The following FGF14 variants were observed in gnomAD, a reference collection of about 807,000 sequenced individuals.
The protein encoded by FGF14 is fibroblast growth factor 14, also known as fibroblast growth factor homologous factor 4.
A neutral mutation model predicts 25.5 loss-of-function variants in FGF14; 5 were observed. The observed-to-expected ratio is 0.20, with a 90% CI of 0.10 to 0.41. The LOEUF (loss-of-function observed/expected upper bound fraction) is 0.41. Ranked by LOEUF, FGF14 falls within the 10% of genes least tolerant of loss-of-function variation. The pLI is 1.00. For synonymous variants in FGF14, 138 were observed against 118.3 expected, an observed-to-expected ratio of 1.17 and a Z score of -1.08; for missense variants, 222 against 320.1, an observed-to-expected ratio of 0.69 and a Z score of 2.34.
intron 1 of FGF14, among the ~76,000 whole-genome samples, chr13:101,962,679 G>C (rs2036937963): frequency 6.6e-6 from 1 of 150,626 alleles, no homozygotes; most frequent in Non-Finnish European, 1.5e-5. Flanking sequence ...AATAGCTTCA[G>C]TTAAATTTTT....
At chr13:102,093,725 G>C (rs1055071208) in intron 1 of FGF14, among the ~76,000 whole-genome samples, 20 of 151,362 alleles carry the variant, frequency 1.3e-4, no homozygotes, top group African/African-American at 4.9e-4. Context: ...ACAAGAAACA[G>C]TTAAATTGCT....
chr13:102,275,973 C>T (rs953027309), intron 1 of FGF14, among the ~76,000 whole-genome samples: 3 of 151,946 alleles, frequency 2.0e-5, no homozygotes, highest in African/African-American at 7.2e-5. Context: ...AACAAGCTTC[C>T]TTCATACCTA....
chr13:101,740,991 C>T (rs112613188), intron 3 of FGF14, among the ~76,000 whole-genome samples: 154 of 152,210 alleles, frequency 1.0e-3, no homozygotes, highest in African/African-American at 3.4e-3. Context: ...AAAAAAGTCC[C>T]CGGTCAGTAA....
intron 1 of FGF14, among the ~76,000 whole-genome samples, chr13:102,309,530 G>A (rs746035292): frequency 2.0e-5 from 3 of 152,176 alleles, no homozygotes; most frequent in Non-Finnish European, 2.9e-5. Context: ...TGAGAAAGTT[G>A]CATTTTACTG....
intron 1 of FGF14, among the ~76,000 whole-genome samples, chr13:102,170,153 G>C (rs2048187337): frequency 6.6e-6 from 1 of 151,910 alleles, no homozygotes; most frequent in Non-Finnish European, 1.5e-5. Context: ...TCCAGCGTGG[G>C]GCATACAGGA....
chr13:101,823,158 C>T (rs1003222695), intron 3 of FGF14, among the ~76,000 whole-genome samples: 3 of 152,038 alleles, frequency 2.0e-5, no homozygotes, highest in Non-Finnish European at 4.4e-5. Context: ...AGTAAAGCTG[C>T]TATAAACGTT....
intron 1 of FGF14, among the ~76,000 whole-genome samples, chr13:102,328,821 C>T (rs1408120510): frequency 6.6e-6 from 1 of 152,054 alleles, no homozygotes; most frequent in Non-Finnish European, 1.5e-5. Flanking sequence ...AAGAGTATTC[C>T]AGATATTCTG....
chr13:101,763,682 A>T (rs1159787906), intron 3 of FGF14, among the ~76,000 whole-genome samples: 2 of 152,186 alleles, frequency 1.3e-5, no homozygotes, highest in Non-Finnish European at 2.9e-5. Flanking sequence ...CAACATGGTG[A>T]AACCCCATCT....
At chr13:102,200,969 G>A (rs1050798105) in intron 1 of FGF14, among the ~76,000 whole-genome samples, 9 of 151,910 alleles carry the variant, frequency 5.9e-5, no homozygotes, top group Non-Finnish European at 1.2e-4. Flanking sequence ...AGGCGTGGTG[G>A]GGGGCGCCTG....
At chr13:102,017,895 G>A (rs982212358) in intron 1 of FGF14, among the ~76,000 whole-genome samples, 16 of 151,886 alleles carry the variant, frequency 1.1e-4, no homozygotes, top group African/African-American at 3.1e-4. Context: ...TGTCCATTCC[G>A]CTACTCAGAT....
chr13:101,910,130 T>C (rs2032752980), intron 1 of FGF14, among the ~76,000 whole-genome samples: 1 of 151,934 alleles, frequency 6.6e-6, no homozygotes, highest in South Asian at 2.1e-4. Context: ...CATTAGGAGA[T>C]ATACCTAATG....
chr13:101,735,464 TAAG>T (rs2036117243), intron 3 of FGF14, among the ~76,000 whole-genome samples: 1 of 151,978 alleles, frequency 6.6e-6, no homozygotes, highest in African/African-American at 2.4e-5. Flanking sequence ...GCAACAAATA[TAAG>T]GAGCAAAAAG....
In FGF14 at chr13:102,199,108, T is replaced by C. The variant is rs191582129; in HGVS notation, c.208+202363A>G. Among the ~76,000 whole-genome samples the C allele has an allele frequency of 5.3e-5, 8 of 152,314 alleles. No homozygotes were observed. In the South Asian group the frequency reaches 6.2e-4, roughly 12 times the overall value. The stretch of plus-strand genomic sequence containing the variant: ...AAAGTTTGTAAAGATGTGTAGGTGG[T>C]TCTTAGTTTTATTATCTTTGCTGTG... On this transcript the variant is annotated intron_variant, in intron 1 of 4. Transcript: ENST00000376131.
chr13:102,324,088 A>C (rs2138779555), intron 1 of FGF14, among the ~76,000 whole-genome samples: 1 of 151,916 alleles, frequency 6.6e-6, no homozygotes, highest in East Asian at 1.9e-4. Context: ...ATTTTATGGG[A>C]AAAAGAAAGC....
intron 1 of FGF14, among the ~76,000 whole-genome samples, chr13:101,912,028 T>A (rs2032995688): frequency 6.6e-6 from 1 of 151,228 alleles, no homozygotes; most frequent in African/African-American, 2.4e-5. Context: ...TTGATGACTA[T>A]TTGCTGTGGA....
At chr13:101,847,410 G>C (rs1277112663) in intron 3 of FGF14, among the ~76,000 whole-genome samples, 1 of 152,008 alleles carries the variant, frequency 6.6e-6, no homozygotes, top group African/African-American at 2.4e-5. Flanking sequence ...CTAACATTAA[G>C]TATAACTTAG....
At chr13:101,971,389 TG>T (rs2037582692) in intron 1 of FGF14, among the ~76,000 whole-genome samples, 2 of 142,316 alleles carry the variant, frequency 1.4e-5, no homozygotes, top group Non-Finnish European at 1.5e-5. Flanking sequence ...TTTTTTTTTT[TG>T]AAATGGGTCT....
At chr13:101,916,170 G>T (rs1264264177) in intron 1 of FGF14, among the ~76,000 whole-genome samples, 1 of 152,230 alleles carries the variant, frequency 6.6e-6, no homozygotes, top group Admixed American at 6.5e-5. Flanking sequence ...CGAGACTCAG[G>T]GGGAACAGGT....
At chr13:102,228,447 T>C (rs189160848) in intron 1 of FGF14, among the ~76,000 whole-genome samples, 4 of 152,306 alleles carry the variant, frequency 2.6e-5, no homozygotes, top group African/African-American at 9.6e-5. Context: ...TAGCATATGA[T>C]TAAAGAAGCT....
Sources: gnomAD v4.1 joint callset for allele counts (sites outside exome capture counted in the v4.1 genomes callset) on GRCh38, gnomAD v4.1.1 for gene constraint, MANE v1.5 for transcripts, NCBI Gene and HGNC (gene_info 2026-07-23, HGNC 2026-07-21) for gene names.